The following TCAIM variants were observed in gnomAD, a reference collection of about 807,000 sequenced individuals.
TCAIM encodes the protein T cell activation inhibitor, mitochondrial.
In TCAIM, 36 loss-of-function variants were observed where a neutral mutation model predicts 58.6. The observed-to-expected ratio is 0.61, with a 90% CI of 0.47 to 0.81. TCAIM has a LOEUF of 0.81. Ranked by LOEUF, TCAIM falls within the 30% of genes least tolerant of loss-of-function variation. TCAIM has a pLI of 0.00. For missense variants in TCAIM, 466 were observed against 579.6 expected (o/e 0.80, Z 2.01); for synonymous variants, 172 against 193.6 (o/e 0.89, Z 0.93).
At chr3:44,380,093 TGTAAA>T (rs1701631539) in intron 5 of TCAIM, among the ~76,000 whole-genome samples, 1 of 152,026 alleles carries the variant, frequency 6.6e-6, no homozygotes, top group Non-Finnish European at 1.5e-5. Flanking sequence ...AAATGTAAAA[TGTAAA>T]GTAGTAAGAC....
intron 5 of TCAIM, among the ~76,000 whole-genome samples, chr3:44,374,283 TTTC>T (rs1207905776): frequency 6.7e-4 from 67 of 100,424 alleles, no homozygotes; most frequent in African/African-American, 1.9e-3. Context: ...TTTGCTTTGC[TTTC>T]TTTTTTTTTT....
chr3:44,340,967 T>C (rs1365462825), intron 1 of TCAIM: 1 of 152,210 alleles, frequency 6.6e-6, no homozygotes, highest in Non-Finnish European at 1.5e-5. Flanking sequence ...AGACTCATAG[T>C]ACTCGGTTTT....
At chr3:44,372,717 C>T (rs368086117) in intron 5 of TCAIM, among the ~76,000 whole-genome samples, 5 of 152,008 alleles carry the variant, frequency 3.3e-5, no homozygotes, top group East Asian at 3.9e-4. Flanking sequence ...CCTCAACCTC[C>T]CGAGTAGCTG....
intron 1 of TCAIM, among the ~76,000 whole-genome samples, chr3:44,343,119 A>G (rs1700888888): frequency 1.3e-5 from 2 of 151,932 alleles, no homozygotes; most frequent in African/African-American, 2.4e-5. Context: ...CGCAGGTGAC[A>G]GAGCGAGACT....
intron 5 of TCAIM, among the ~76,000 whole-genome samples, chr3:44,378,224 TAC>T (rs1295608739): frequency 6.6e-6 from 1 of 150,874 alleles, no homozygotes; most frequent in Admixed American, 6.6e-5. Flanking sequence ...CTACTAAAAA[TAC>T]AAAAATTAGT....
rs572815880 is a variant in TCAIM, at chr3:44,366,052, G to T, written c.320-1404G>T. Among the ~76,000 whole-genome samples the T allele has an allele frequency of 3.5e-4, 54 of 152,296 alleles. 1 individual carries two copies. The highest frequency in any genetic ancestry group is 3.3e-3 in the Admixed American group (50 of 15,302). On this transcript the variant is annotated intron_variant, in intron 4 of 10. Coordinates refer to ENST00000342649, the MANE Select transcript of TCAIM (RefSeq NM_173826.4). ...TGTAGTGGAGAAAATATTTGGCTTG[G>T]TGTCAACTCAGATTTAAGCCCTGGC...
chr3:44,369,313 G>A (rs1417285582), intron 5 of TCAIM, among the ~76,000 whole-genome samples: 2 of 152,104 alleles, frequency 1.3e-5, no homozygotes, highest in Non-Finnish European at 2.9e-5. Flanking sequence ...GGGATTACTG[G>A]CCTAAAGAGT....
chr3:44,366,978 T>G (rs546662573), intron 4 of TCAIM, among the ~76,000 whole-genome samples: 5 of 152,192 alleles, frequency 3.3e-5, no homozygotes, highest in Admixed American at 1.3e-4. Context: ...CCTTCAATCA[T>G]AGAGAAAATT....
At chr3:44,339,310 A>T (rs1700805459) in intron 1 of TCAIM, among the ~76,000 whole-genome samples, 2 of 152,338 alleles carry the variant, frequency 1.3e-5, no homozygotes, top group Admixed American at 1.3e-4. Flanking sequence ...GGGAAGTCAC[A>T]GTTCAAATGA....
chr3:44,396,673 C>T (rs1182326316), intron 7 of TCAIM, 70 bp from the exon 8 acceptor site: 5 of 1,525,854 alleles, frequency 3.3e-6, no homozygotes. Context: ...TGGGTTTATA[C>T]ACTATTTGCA....
chr3:44,396,715 G>T, intron 7 of TCAIM, 28 bp from the exon 8 acceptor site: 2 of 1,608,764 alleles, frequency 1.2e-6, no homozygotes, highest in South Asian at 2.2e-5. Flanking sequence ...CCTCGACCAT[G>T]ACCAAAGGTT....
intron 5 of TCAIM, among the ~76,000 whole-genome samples, chr3:44,383,697 G>C (rs1254408323): frequency 1.3e-5 from 2 of 151,574 alleles, no homozygotes; most frequent in African/African-American, 4.9e-5. Flanking sequence ...AAGGGGCTGG[G>C]TGCAGTGGCT....
chr3:44,351,116 G>A (rs900197674), intron 1 of TCAIM, among the ~76,000 whole-genome samples: 1 of 152,134 alleles, frequency 6.6e-6, no homozygotes, highest in African/African-American at 2.4e-5. Flanking sequence ...GATTCTGCCT[G>A]TAGCTGGGAC....
intron 5 of TCAIM, among the ~76,000 whole-genome samples, chr3:44,389,077 G>C (rs1173144396): frequency 1.3e-5 from 2 of 152,218 alleles, no homozygotes; most frequent in Admixed American, 1.3e-4. Flanking sequence ...GGATCACGAG[G>C]TCAGGAGTTC....
At chr3:44,361,134 A>G (rs1030229520) in intron 3 of TCAIM, among the ~76,000 whole-genome samples, 12 of 152,274 alleles carry the variant, frequency 7.9e-5, no homozygotes, top group Admixed American at 3.3e-4. Flanking sequence ...GTTTTCTTCT[A>G]TTACTTATAT....
chr3:44,358,191 ATC>A (rs746343248), intron 3 of TCAIM: 55 of 1,560,492 alleles, frequency 3.5e-5, no homozygotes, highest in African/African-American at 7.0e-5. Flanking sequence ...ATCATGATCA[ATC>A]TCTCTCTCTT....
At chr3:44,340,240 G>A (rs958101759) in intron 1 of TCAIM, 3 of 152,184 alleles carry the variant, frequency 2.0e-5, no homozygotes, top group Non-Finnish European at 1.5e-5. Context: ...CATTAGATCT[G>A]AATCTTCTAG....
intron 5 of TCAIM, among the ~76,000 whole-genome samples, chr3:44,386,006 C>A (rs923558558): frequency 1.3e-5 from 2 of 150,910 alleles, no homozygotes; most frequent in Non-Finnish European, 3.0e-5. Flanking sequence ...TTTTTTTTAA[C>A]CTGTTTTTTA....
At chr3:44,387,320 T>G (rs1173292897) in intron 5 of TCAIM, among the ~76,000 whole-genome samples, 1 of 152,204 alleles carries the variant, frequency 6.6e-6, no homozygotes, top group Non-Finnish European at 1.5e-5. Flanking sequence ...GTCCACATAC[T>G]TCATTCTTCC....
Sources: allele counts gnomAD v4.1 joint callset (sites outside exome capture counted in the v4.1 genomes callset), GRCh38; gene constraint gnomAD v4.1.1; transcripts MANE v1.5; gene names NCBI Gene and HGNC (gene_info 2026-07-23, HGNC 2026-07-21).